The following ASB2 variants were observed in gnomAD, a reference collection of about 807,000 sequenced individuals.
ASB2 encodes ankyrin repeat and SOCS box containing 2.
Under a neutral mutation model 62.4 loss-of-function variants are expected in ASB2, and 58 were observed. That is an observed-to-expected ratio of 0.93 (90% CI 0.75 to 1.16). The LOEUF is 1.16. Ranked by LOEUF, ASB2 falls within the 50% of genes most tolerant of loss-of-function variation. The pLI is 0.00. For missense variants in ASB2, 928 were observed against 887.9 expected, an observed-to-expected ratio of 1.05 and a Z score of -0.57; for synonymous variants, 386 against 385.3, an observed-to-expected ratio of 1.00 and a Z score of -0.02.
intron 2 of ASB2, chr14:93,957,153 A>G (rs1402356437): frequency 3.5e-6 from 4 of 1,154,044 alleles, no homozygotes; most frequent in Non-Finnish European, 3.3e-6. Flanking sequence ...CCCCCTCCCC[A>G]GCCAACCACG....
intron 2 of ASB2, among the ~76,000 whole-genome samples, chr14:93,963,401 G>C (rs1595331978): frequency 6.6e-6 from 1 of 151,214 alleles, no homozygotes; most frequent in African/African-American, 2.4e-5. Flanking sequence ...TGGGGACGGG[G>C]GTGAGGAGCA....
intron 7 of ASB2, among the ~76,000 whole-genome samples, chr14:93,945,745 G>A (rs1353548873): frequency 1.3e-5 from 2 of 152,138 alleles, no homozygotes; most frequent in Non-Finnish European, 2.9e-5. Flanking sequence ...CAGGCAACCT[G>A]CACAGAAGGG....
chr14:93,955,574 C>G (rs1889159561), intron 3 of ASB2: 1 of 171,684 alleles, frequency 5.8e-6, no homozygotes. Context: ...CAAAGGGACC[C>G]CAGCTGAAGT....
At chr14:93,936,870 C>T (rs2141266567) in intron 9 of ASB2, among the ~76,000 whole-genome samples, 1 of 152,334 alleles carries the variant, frequency 6.6e-6, no homozygotes, top group South Asian at 2.1e-4. Flanking sequence ...TAGAATGCCA[C>T]TGCACAGATA....
At chr14:93,955,613 G>A (rs1489133321) in intron 3 of ASB2, 1 of 169,486 alleles carries the variant, frequency 5.9e-6, no homozygotes, top group Non-Finnish European at 1.3e-5. Context: ...CTTTTCTCGT[G>A]GCCTTGGCGA....
chr14:93,952,262 G>T (rs984320335), intron 5 of ASB2, among the ~76,000 whole-genome samples: 1 of 152,254 alleles, frequency 6.6e-6, no homozygotes, highest in Non-Finnish European at 1.5e-5. Context: ...CACATAGTAG[G>T]TGTGCTTGCA....
At chr14:93,951,720 G>A (rs1888976511) in intron 5 of ASB2, among the ~76,000 whole-genome samples, 1 of 152,184 alleles carries the variant, frequency 6.6e-6, no homozygotes, top group Non-Finnish European at 1.5e-5. Flanking sequence ...CCCTTCCAGT[G>A]GTACCTGCTT....
intron 1 of ASB2, chr14:93,968,130 T>C (rs767084723): frequency 2.6e-5 from 4 of 152,174 alleles, no homozygotes; most frequent in Non-Finnish European, 5.9e-5. Flanking sequence ...TCCCTGACCA[T>C]GTGCCTTCCT....
intron 2 of ASB2, among the ~76,000 whole-genome samples, chr14:93,960,984 T>TAAATAAACAAACAAAC (rs1340934157): frequency 5.4e-4 from 81 of 150,860 alleles, no homozygotes; most frequent in African/African-American, 1.9e-3. Flanking sequence ...AATAAATAAA[T>TAAATAAACAAACAAAC]AAACAGTATC....
rs1246492767 is a variant in ASB2 at position 93,939,130 on chromosome 14, T to TCGG, written c.1592_1594dup (p.Ala531dup). ...CACCTGCACCACGCTGGGCTCCTTG[T>TCGG]CGGCCGCGGGCGCGTCGTTGAACCT... On this transcript the variant is annotated inframe_insertion, in exon 8 of 10. Coordinates refer to ENST00000555019, the MANE Select transcript of ASB2 (RefSeq NM_001202429.2). 3.3e-6 allele frequency: 5 copies of TCGG among 1,534,674 alleles called. No homozygotes were observed. In the East Asian group the frequency reaches 1.2e-4, roughly 36 times the overall value.
At chr14:93,973,763 C>G (rs1889829930) in intron 1 of ASB2, among the ~76,000 whole-genome samples, 1 of 143,136 alleles carries the variant, frequency 7.0e-6, no homozygotes. Context: ...AGGCCCCTGA[C>G]CCATATTCTG....
At chr14:93,949,281 G>C (rs1480454774) in intron 6 of ASB2, among the ~76,000 whole-genome samples, 1 of 152,234 alleles carries the variant, frequency 6.6e-6, no homozygotes, top group African/African-American at 2.4e-5. Flanking sequence ...ACCAGTTTCT[G>C]ATCCAGCGGA....
intron 1 of ASB2, among the ~76,000 whole-genome samples, chr14:93,966,793 T>C (rs890841583): frequency 6.6e-6 from 1 of 152,142 alleles, no homozygotes; most frequent in African/African-American, 2.4e-5. Flanking sequence ...CCTGAATCAA[T>C]GAACTCAAAG....
chr14:93,944,443 C>G lies in ASB2; in HGVS notation c.1052+2906G>C, dbSNP rs116820904. On this transcript the variant is annotated intron_variant, in intron 7 of 9. Coordinates refer to ENST00000555019, the MANE Select transcript of ASB2 (RefSeq NM_001202429.2). ...CGAGAAGACACCATCTGGCAAACAG[C>G]CTTCGGCTCCTGGTGCTGCCTTCCA... 8.8e-3 allele frequency among the ~76,000 whole-genome samples: 1,335 copies of G among 152,388 alleles called. 25 individuals are homozygous for G. Among genetic ancestry groups the G allele is most frequent in the African/African-American group, 0.03 (1,263 of 41,592 alleles).
intron 2 of ASB2, among the ~76,000 whole-genome samples, chr14:93,958,626 C>T (rs1283267011): frequency 6.6e-6 from 1 of 152,226 alleles, no homozygotes; most frequent in African/African-American, 2.4e-5. Flanking sequence ...TCCAACAGAT[C>T]CCAGAGCCAA....
chr14:93,961,200 C>G (rs1207084586), intron 2 of ASB2, among the ~76,000 whole-genome samples: 1 of 152,168 alleles, frequency 6.6e-6, no homozygotes, highest in Non-Finnish European at 1.5e-5. Context: ...TTGCTTTTCA[C>G]AGGAATACTG....
In ASB2 at chr14:93,964,562, C is replaced by A. The variant is rs1466814487; in HGVS notation, c.-23G>T. The stretch of plus-strand genomic sequence containing the variant: ...CATCCTCCTCCACCTCTCACCCTGG[C>A]CTCCAGAACAGACACCCAGTGGGGA... On this transcript the variant is annotated 5_prime_UTR_variant, in exon 2 of 10. Transcript: ENST00000555019. 2.0e-6 allele frequency: 3 copies of A among 1,535,022 alleles called. No homozygotes were observed. The highest frequency in any genetic ancestry group is 8.7e-7 in the Non-Finnish European group (1 of 1,146,186).
At chr14:93,937,014 G>A (rs547886712) in intron 9 of ASB2, among the ~76,000 whole-genome samples, 12 of 152,280 alleles carry the variant, frequency 7.9e-5, no homozygotes, top group African/African-American at 2.6e-4. Flanking sequence ...GACAGTGGCC[G>A]AACTCCACTT....
At chr14:93,953,904 C>T (rs1889071653) in intron 4 of ASB2, among the ~76,000 whole-genome samples, 1 of 152,196 alleles carries the variant, frequency 6.6e-6, no homozygotes, top group South Asian at 2.1e-4. Flanking sequence ...CTGAACCTGG[C>T]TCAGTAGGAA....
Sources: gnomAD v4.1 joint callset for allele counts (sites outside exome capture counted in the v4.1 genomes callset) on GRCh38, gnomAD v4.1.1 for gene constraint, MANE v1.5 for transcripts, NCBI Gene and HGNC (gene_info 2026-07-23, HGNC 2026-07-21) for gene names.